LIPE: variants seen among roughly 807,000 people sequenced by gnomAD.
LIPE encodes the protein hormone-sensitive lipase.
In LIPE, 66 loss-of-function variants were observed where a neutral mutation model predicts 88.5. That is an observed-to-expected ratio of 0.75 (90% CI 0.61 to 0.91). The LOEUF is 0.91. LIPE is among the 40% of genes least tolerant of loss of function. The pLI is 0.00. For missense variants in LIPE, 1,346 were observed against 1,434.7 expected (o/e 0.94, Z 1.00); for synonymous variants, 570 against 617.5 (o/e 0.92, Z 1.14).
In LIPE at chr19:42,407,726, G is replaced by A; in HGVS notation, c.1722C>T (p.Ala574=). 1.3e-6 allele frequency: 2 copies of A among 1,570,870 alleles called. No individual in the cohort carries two copies. Among genetic ancestry groups the A allele is most frequent in the South Asian group, 2.4e-5 (2 of 83,532 alleles). ...VSRLLSLPPE[A]FEMPLTADPT... is the part of the protein sequence containing the mutation. ...GGTCGGCAGTCAGTGGCATCTCAAA[G>A]GCTTCGGGTGGCAGGCTGAGCAGGC... is the stretch of plus-strand genomic sequence containing the variant. The change falls in exon 5 of 10, where the codon GCC becomes GCT. Residue 574 remains alanine (A), a synonymous_variant. Transcript: ENST00000244289. This position sits in a 1 kb window ranked among gnomAD's most constrained non-coding sequence, Gnocchi z 5.8.
intron 1 of LIPE, among the ~76,000 whole-genome samples, chr19:42,425,834 A>T (rs373037075): frequency 1.3e-5 from 2 of 151,836 alleles, no homozygotes; most frequent in East Asian, 3.9e-4. Flanking sequence ...ATGGAGTCTT[A>T]CTCTGTCACC....
rs2040265095 is a variant in LIPE, at chr19:42,408,481, C to T, written c.1420-159G>A. ...CATAGCTCTCGGCTGGTTCACGGAC[C>T]TGATGTTCTCAAAGGGAAAACAAAT... On this transcript the variant is annotated intron_variant, in intron 2 of 9. Transcript: ENST00000244289. The surrounding 1 kb of genome is among the most constrained non-coding windows in gnomAD (Gnocchi z 4.3). 3 of 636,040 alleles carry T rather than the reference C, an allele frequency of 4.7e-6. No individual in the cohort carries two copies. In the South Asian group the frequency reaches 5.4e-5, roughly 11 times the overall value. 39.4% of individuals were successfully genotyped at this position (636,040 alleles called of 1,614,324 possible).
Position 42,401,902 on chromosome 19 carries a change from G to C in LIPE, c.3141C>G (p.Ile1047Met). The C allele has an allele frequency of 6.5e-7, 1 of 1,548,184 alleles. No individual in the cohort carries two copies. Among genetic ancestry groups the C allele is most frequent in the Admixed American group, 1.9e-5 (1 of 51,638 alleles). Residue 1047 changes from isoleucine to methionine, a missense_variant, in exon 10 of 10, where the codon ATC becomes ATG. Ile to Met is a conservative substitution (Grantham distance 10, BLOSUM62 1). Transcript: ENST00000244289. ...CGGCGGGAGGAGTGAGGACGAGGCG[G>C]ATGCGCTCCACGCACAGCTCTGCGG... ...RQAAELCVER[I>M]RLVLTPPAGA...
At chr19:42,403,444 C>T (rs150647572) in intron 8 of LIPE, among the ~76,000 whole-genome samples, 21 of 149,308 alleles carry the variant, frequency 1.4e-4, no homozygotes, top group Non-Finnish European at 2.7e-4. Context: ...CATAATATAT[C>T]GTTTTTTGTT....
chr19:42,426,869 G>A lies in LIPE; in HGVS notation c.281C>T (p.Ala94Val), dbSNP rs1192641817. ...QEEFLAPQKPAPQQSPYIQRV... is the reference protein window; with the variant it reads ...QEEFLAPQKPVPQQSPYIQRV... Reference sequence around the variant, plus strand: ...TTGGATGTAAGGTGATTGCTGTGGTGCGGGCTTCTGTGGGGCAAGAAATTC... The same window carrying A: ...TTGGATGTAAGGTGATTGCTGTGGTACGGGCTTCTGTGGGGCAAGAAATTC... Residue 94 changes from alanine (A) to valine (V), a missense_variant, in exon 1 of 10, where the codon GCA becomes GTA. Coordinates refer to ENST00000244289, the MANE Select transcript of LIPE (RefSeq NM_005357.4). 1.2e-6 allele frequency: 2 copies of A among 1,614,060 alleles called. No homozygotes were observed. Among genetic ancestry groups the A allele is most frequent in the East Asian group, 2.2e-5 (1 of 44,882 alleles).
intron 1 of LIPE, among the ~76,000 whole-genome samples, chr19:42,415,476 T>C (rs999418665): frequency 7.2e-5 from 11 of 152,006 alleles, no homozygotes; most frequent in African/African-American, 2.4e-4. Context: ...ATGAAAGTAA[T>C]TAAAAGTGCT....
rs908810656 is a variant in LIPE, at chr19:42,401,948, A to G, written c.3095T>C (p.Leu1032Pro). 6.4e-6 allele frequency: 10 copies of G among 1,556,538 alleles called. No homozygotes were observed. The highest frequency in any genetic ancestry group is 1.4e-5 in the African/African-American group (1 of 73,228). The change falls in exon 10 of 10, where the codon CTG becomes CCG. Residue 1032 changes from leucine to proline, a missense_variant. By Grantham distance (98) the Leu-to-Pro change is moderately conservative. Coordinates refer to ENST00000244289, the MANE Select transcript of LIPE (RefSeq NM_005357.4). ...LPHGFLTLAA[L>P]CRETRQAAEL... ...TGCGGCCTGGCGCGTCTCGCGGCAC[A>G]GCGCCGCTAGGGTCAGGAAGCCGTG...
intron 1 of LIPE, among the ~76,000 whole-genome samples, chr19:42,421,799 T>C (rs2040603621): frequency 6.6e-6 from 1 of 152,160 alleles, no homozygotes. Context: ...ATGACGAGGA[T>C]TGCTCCAGCC....
chr19:42,403,479 G>A (rs574577071), intron 8 of LIPE, among the ~76,000 whole-genome samples: 3 of 149,096 alleles, frequency 2.0e-5, no homozygotes, highest in African/African-American at 7.5e-5. Flanking sequence ...ACAAAGTCTC[G>A]CTCTGTCACC....
Position 42,403,205 on chromosome 19 carries a change from G to GT in LIPE, c.2543-175_2543-174insA, listed in dbSNP as rs2040047655. The GT allele has an allele frequency of 1.5e-5, 9 of 619,492 alleles. No homozygotes were observed. In the South Asian group the frequency reaches 1.9e-4, roughly 13 times the overall value. The allele number at this position is 619,492 out of a possible 1,614,324, so 38.4% of individuals were successfully genotyped here. On this transcript the variant is annotated intron_variant, in intron 8 of 9. Transcript: ENST00000244289. ...CAGATGCCCCAGGTGGTCATGGTGG[G>GT]GGTCTTGGCAGTGGGGCAGTGTGTT...
In LIPE at chr19:42,426,753, G is replaced by C. The variant is rs896081751; in HGVS notation, c.397C>G (p.Gln133Glu). 9 of 1,614,058 alleles carry C rather than the reference G, an allele frequency of 5.6e-6. No individual in the cohort carries two copies. In the African/African-American group the frequency reaches 1.1e-4, roughly 19 times the overall value. Residue 133 changes from glutamine to glutamate, a missense_variant, in exon 1 of 10, where the codon CAA becomes GAA. Transcript: ENST00000244289. ...SITQQEPALR[Q>E]RHVAQPGPGP... ...GGCCCTGGCTGGGCTACATGTCTTT[G>C]TCTCAATGCTGGCTCCTGTTGAGTT...
At chr19:42,416,390 C>T (rs1237075841) in intron 1 of LIPE, among the ~76,000 whole-genome samples, 4 of 151,990 alleles carry the variant, frequency 2.6e-5, no homozygotes, top group African/African-American at 4.8e-5. Flanking sequence ...CTGGAGGAGC[C>T]GCAGCAAGTT....
rs376422185 is a variant in LIPE, at chr19:42,426,316, C to T, written c.834G>A (p.Ser278=). 55 of 1,608,282 alleles carry T rather than the reference C, an allele frequency of 3.4e-5. No homozygotes were observed. The highest frequency in any genetic ancestry group is 6.7e-5 in the East Asian group (3 of 44,700). The change falls in exon 1 of 10, where the codon TCG becomes TCA. Residue 278 remains serine, a synonymous_variant. Transcript: ENST00000244289. The part of the protein sequence containing the change: ...YKVMSGYSGT[S]PHEKTSARNH... ...TCCGAGCACTGGTTTTCTCATGTGG[C>T]GACGTCCCACTGTATCCTGACATCA...
chr19:42,411,790 C>T (rs772249870), intron 1 of LIPE, among the ~76,000 whole-genome samples: 2 of 152,210 alleles, frequency 1.3e-5, no homozygotes, highest in Non-Finnish European at 2.9e-5. Flanking sequence ...CCTGGAACAG[C>T]GATACTCATC....
At chr19:42,420,025 T>C (rs923389345) in intron 1 of LIPE, among the ~76,000 whole-genome samples, 4 of 149,994 alleles carry the variant, frequency 2.7e-5, no homozygotes, top group Non-Finnish European at 5.9e-5. Flanking sequence ...TTTTTTTTTT[T>C]CATTCTCAAA....
At chr19:42,424,946 T>C (rs2040681119) in intron 1 of LIPE, 3 of 300,918 alleles carry the variant, frequency 1.0e-5, no homozygotes, top group South Asian at 3.0e-5. Flanking sequence ...CCCGTTATCC[T>C]CTGATGCTGC....
Position 42,407,587 on chromosome 19 carries a change from GC to G in LIPE, c.1842+18del, listed in dbSNP as rs1381309402. 1 of 1,595,244 alleles carries G rather than the reference GC, an allele frequency of 6.3e-7. No homozygotes were observed. The highest frequency in any genetic ancestry group is 1.3e-5 in the African/African-American group (1 of 74,608). On this transcript the variant is annotated intron_variant, in intron 5 of 9. Coordinates refer to ENST00000244289, the MANE Select transcript of LIPE (RefSeq NM_005357.4). This position sits in a 1 kb window ranked among gnomAD's most constrained non-coding sequence, Gnocchi z 5.8. ...CTCCTCGGCTCTGTCCCTGTCCCTG[GC>G]TGAGGCTGGAACCCTACCTGTCCTT...
Position 42,410,294 on chromosome 19 carries a change from G to T in LIPE, c.1419+13C>A. 1.9e-6 allele frequency: 3 copies of T among 1,552,022 alleles called. No individual in the cohort carries two copies. The highest frequency in any genetic ancestry group is 8.7e-7 in the Non-Finnish European group (1 of 1,146,860). On this transcript the variant is annotated intron_variant, in intron 2 of 9. Transcript: ENST00000244289. This position sits in a 1 kb window ranked among gnomAD's most constrained non-coding sequence, Gnocchi z 6.1. ...CATTGTGGGCCCAGAGGGGCACGGG[G>T]CAGGGGGCTCACCTGGAAGCCCAGG...
Position 42,407,120 on chromosome 19 carries a change from C to T in LIPE, c.2137+54G>A. 4 of 1,434,044 alleles carry T rather than the reference C, an allele frequency of 2.8e-6. No homozygotes were observed. Among genetic ancestry groups the T allele is most frequent in the Non-Finnish European group, 3.7e-6 (4 of 1,090,010 alleles). 88.8% of individuals were successfully genotyped at this position (1,434,044 alleles called of 1,614,324 possible). ...AGGCTGAGGCTGGAGGAGCTTAAAG[C>T]AAGCTGGGTGGGATGGGAGCAGGCG... On this transcript the variant is annotated intron_variant, in intron 6 of 9. Transcript: ENST00000244289. The surrounding 1 kb of genome is among the most constrained non-coding windows in gnomAD (Gnocchi z 5.8).
Sources: gnomAD v4.1 joint callset for allele counts (sites outside exome capture counted in the v4.1 genomes callset) on GRCh38, gnomAD v4.1.1 for gene constraint, Gnocchi (gnomAD v3.1) non-coding constraint, MANE v1.5 for transcripts, NCBI Gene and HGNC (gene_info 2026-07-23, HGNC 2026-07-21) for gene names.